ZDHHC15: variants seen among roughly 807,000 people sequenced by gnomAD.
ZDHHC15 encodes palmitoyltransferase ZDHHC15.
A neutral mutation model predicts 31.7 loss-of-function variants in ZDHHC15; 19 were observed. That is an observed-to-expected ratio of 0.60 (90% confidence interval 0.42 to 0.88). The LOEUF (loss-of-function observed/expected upper bound fraction) is 0.88. ZDHHC15 is among the 40% of genes least tolerant of loss of function. The pLI is 0.00. For synonymous variants in ZDHHC15, 103 were observed against 90.0 expected, an observed-to-expected ratio of 1.14 and a Z score of -0.82; for missense variants, 209 against 251.2, an observed-to-expected ratio of 0.83 and a Z score of 1.14.
At chrX:75,425,323 G>GT (rs1239149966) in intron 7 of ZDHHC15, among the ~76,000 whole-genome samples, 1 of 111,531 alleles carries the variant, frequency 9.0e-6, no homozygotes, top group Non-Finnish European at 1.9e-5. Context: ...TTGTGTGGTT[G>GT]TTTTTTATAG....
chrX:75,396,214 A>C lies in ZDHHC15; in HGVS notation c.968-17016T>G, dbSNP rs57673321. On this transcript the variant is annotated intron_variant, in intron 10 of 11. Coordinates refer to ENST00000373367, the MANE Select transcript of ZDHHC15 (RefSeq NM_144969.3). ...AATAAACAAAGTGAAAAGACAAACC[A>C]CAGAATGGGAGAAAATATTTGCAAA... Among the ~76,000 whole-genome samples the C allele has an allele frequency of 9.8e-4, 110 of 111,811 alleles. 1 individual carries two copies. The highest frequency in any genetic ancestry group is 3.4e-3 in the African/African-American group (105 of 30,857).
At chrX:75,520,278 A>G (rs1238530227) in intron 1 of ZDHHC15, among the ~76,000 whole-genome samples, 3 of 112,130 alleles carry the variant, frequency 2.7e-5, no homozygotes, top group Non-Finnish European at 5.6e-5. Flanking sequence ...TTAATATTAC[A>G]TGACTAAAGA....
intron 10 of ZDHHC15, among the ~76,000 whole-genome samples, chrX:75,400,925 A>T (rs754898689): frequency 6.2e-5 from 7 of 112,116 alleles, no homozygotes; most frequent in Non-Finnish European, 1.3e-4. Flanking sequence ...TCAGATAAGC[A>T]ATGTTGAAGT....
chrX:75,453,024 A>AGT (rs2084150543), intron 3 of ZDHHC15, among the ~76,000 whole-genome samples: 1 of 111,953 alleles, frequency 8.9e-6, no homozygotes, highest in Non-Finnish European at 1.9e-5. Context: ...GTCAAGAAAT[A>AGT]ACTAAGATCA....
intron 10 of ZDHHC15, chrX:75,384,652 G>A: frequency 2.3e-6 from 2 of 866,678 alleles, no homozygotes; most frequent in South Asian, 4.1e-5. Context: ...TAAGAGCCGA[G>A]ATAGCTTCCT....
chrX:75,423,135 G>T (rs1459954748), intron 8 of ZDHHC15, among the ~76,000 whole-genome samples: 1 of 108,529 alleles, frequency 9.2e-6, no homozygotes, highest in African/African-American at 3.4e-5. Flanking sequence ...TCCTGTCTCA[G>T]CTTACTGAGG....
intron 3 of ZDHHC15, among the ~76,000 whole-genome samples, chrX:75,457,776 T>C (rs1182450781): frequency 9.0e-6 from 1 of 110,730 alleles, no homozygotes; most frequent in Admixed American, 9.8e-5. Context: ...AAATTAACAA[T>C]ACAAGAAAAA....
chrX:75,495,323 A>G (rs1366477304), intron 2 of ZDHHC15, among the ~76,000 whole-genome samples: 1 of 111,835 alleles, frequency 8.9e-6, no homozygotes, highest in Non-Finnish European at 1.9e-5. Flanking sequence ...ACACTTTTAC[A>G]CTATTGGTGG....
chrX:75,454,773 A>G (rs972693322), intron 3 of ZDHHC15, among the ~76,000 whole-genome samples: 19 of 111,437 alleles, frequency 1.7e-4, no homozygotes, highest in African/African-American at 6.2e-4. Flanking sequence ...ATAATAAAAA[A>G]TAAAAATGAA....
intron 3 of ZDHHC15, among the ~76,000 whole-genome samples, chrX:75,462,177 C>A (rs1485207821): frequency 8.9e-6 from 1 of 111,895 alleles, no homozygotes; most frequent in Non-Finnish European, 1.9e-5. Context: ...TAAAAAAAGA[C>A]AAAGAAGGAT....
intron 3 of ZDHHC15, among the ~76,000 whole-genome samples, chrX:75,463,323 G>C (rs2084349895): frequency 9.0e-6 from 1 of 110,785 alleles, no homozygotes; most frequent in Non-Finnish European, 1.9e-5. Context: ...TTCTACCAGA[G>C]TTACAAAGAA....
At chrX:75,506,405 C>A (rs978797283) in intron 1 of ZDHHC15, among the ~76,000 whole-genome samples, 1 of 111,699 alleles carries the variant, frequency 9.0e-6, no homozygotes, top group African/African-American at 3.2e-5. Flanking sequence ...TCAGGCCTTT[C>A]ATCAGTCATA....
chrX:75,505,541 G>C (rs969301757), intron 2 of ZDHHC15, among the ~76,000 whole-genome samples: 3 of 110,798 alleles, frequency 2.7e-5, no homozygotes, highest in Non-Finnish European at 3.8e-5. Context: ...GTTGAACAAA[G>C]AGACAGCCTA....
chrX:75,449,201 TACACACACACACACACACAC>T (rs3075226), intron 4 of ZDHHC15, among the ~76,000 whole-genome samples: 16 of 76,643 alleles, frequency 2.1e-4, no homozygotes, highest in African/African-American at 4.9e-4. Context: ...TCTCTCTCTA[TACACACACACACACACACAC>T]ACACACACAC....
chrX:75,415,229 T>G (rs1390010287), intron 10 of ZDHHC15, among the ~76,000 whole-genome samples: 2 of 112,000 alleles, frequency 1.8e-5, no homozygotes, highest in Non-Finnish European at 3.8e-5. Flanking sequence ...GTAAGAACTG[T>G]TTGTCTATGA....
chrX:75,520,793 G>T (rs969746691), intron 1 of ZDHHC15, among the ~76,000 whole-genome samples: 2 of 111,258 alleles, frequency 1.8e-5, no homozygotes, highest in African/African-American at 6.5e-5. Context: ...GGCAACTAAT[G>T]ACATTTATTT....
In ZDHHC15 at chrX:75,482,549, T is replaced by A. The variant is rs191365870; in HGVS notation, c.164-3564A>T. Among the ~76,000 whole-genome samples the A allele has an allele frequency of 7.8e-3, 877 of 111,802 alleles. 10 individuals are homozygous for A. The highest frequency in any genetic ancestry group is 0.026 in the African/African-American group (809 of 30,794). ...GGCATCTACTACTCATCAATTTACA[T>A]AAACCTTCTATGAAGCTGGTTAGAT... On this transcript the variant is annotated intron_variant, in intron 2 of 11. Transcript: ENST00000373367.
At chrX:75,478,190 GATTT>G (rs1471889258) in intron 3 of ZDHHC15, among the ~76,000 whole-genome samples, 1 of 111,786 alleles carries the variant, frequency 8.9e-6, no homozygotes, top group Non-Finnish European at 1.9e-5. Flanking sequence ...GTCTGAAAAT[GATTT>G]ATTTAACTAT....
rs750386253 is a variant in ZDHHC15 at position 75,486,209 on chromosome X, C to T, written c.164-7224G>A. On this transcript the variant is annotated intron_variant, in intron 2 of 11. Transcript: ENST00000373367. ...ATCACCAGAGAAAGATTTAACCTTA[C>T]GTAGAGCTGAAATGGATTTAGGGAG... Among the ~76,000 whole-genome samples, 25 of 111,980 alleles carry T rather than the reference C, an allele frequency of 2.2e-4. No individual in the cohort carries two copies. The South Asian group carries it at 8.7e-3, about 39-fold the overall frequency.
Sources: gnomAD v4.1 joint callset for allele counts (sites outside exome capture counted in the v4.1 genomes callset) on GRCh38, gnomAD v4.1.1 for gene constraint, MANE v1.5 for transcripts, NCBI Gene and HGNC (gene_info 2026-07-23, HGNC 2026-07-21) for gene names.